BNC2: variants seen among roughly 807,000 people sequenced by gnomAD.
The protein encoded by BNC2 is zinc finger protein basonuclin-2.
BNC2 carries 20 observed loss-of-function variants against 76.3 expected under a neutral mutation model. The ratio of observed to expected loss-of-function variants is 0.26; its 90% CI spans 0.18 to 0.38. The LOEUF (loss-of-function observed/expected upper bound fraction) is 0.38, where lower values mean the gene tolerates loss of function less well. Among genes scored for constraint, BNC2 ranks in the 10% least tolerant of loss-of-function variants. The probability of loss-of-function intolerance (pLI) is 1.00; values close to 1 mark genes in which losing one functional copy is unlikely to be tolerated. For missense variants in BNC2, 1,382 were observed against 1,399.8 expected, an observed-to-expected ratio of 0.99 and a Z score of 0.20; for synonymous variants, 582 against 514.8, an observed-to-expected ratio of 1.13 and a Z score of -1.77.
chr9:16,580,956 A>T (rs1235927170), intron 4 of BNC2, among the ~76,000 whole-genome samples: 1 of 152,166 alleles, frequency 6.6e-6, no homozygotes, highest in Non-Finnish European at 1.5e-5. Context: ...CCAGGATTTG[A>T]CCTCAGAACA....
intron 1 of BNC2, among the ~76,000 whole-genome samples, chr9:16,854,631 G>T (rs1819208205): frequency 6.6e-6 from 1 of 151,844 alleles, no homozygotes. Context: ...GTAGCATGAG[G>T]TATCCCCCAA....
chr9:16,498,335 C>A (rs909603674), intron 5 of BNC2, among the ~76,000 whole-genome samples: 3 of 148,568 alleles, frequency 2.0e-5, no homozygotes, highest in East Asian at 3.9e-4. Context: ...ACTACGCAGC[C>A]ATAAAAAGGA....
intron 4 of BNC2, among the ~76,000 whole-genome samples, chr9:16,560,925 G>C (rs944320883): frequency 2.6e-5 from 4 of 152,188 alleles, no homozygotes; most frequent in African/African-American, 9.6e-5. Flanking sequence ...AAGTTCAGAA[G>C]TAAGAGGGTT....
At chr9:16,809,626 G>C (rs1436528448) in intron 1 of BNC2, among the ~76,000 whole-genome samples, 1 of 151,992 alleles carries the variant, frequency 6.6e-6, no homozygotes, top group African/African-American at 2.4e-5. Context: ...AATGTACTGA[G>C]TATTAGCTGG....
intron 4 of BNC2, among the ~76,000 whole-genome samples, chr9:16,559,996 A>G (rs529257883): frequency 1.3e-5 from 2 of 152,356 alleles, no homozygotes; most frequent in East Asian, 3.9e-4. Context: ...CTAACTCGGA[A>G]GTCAGCAGGC....
intron 1 of BNC2, among the ~76,000 whole-genome samples, chr9:16,768,267 G>C (rs10756811): frequency 0.5 from 76,059 of 151,852 alleles, 22,501 homozygotes; most frequent in Non-Finnish European, 0.69. Flanking sequence ...TGACAGGCCA[G>C]TGTATGCAAT....
chr9:16,571,151 T>A (rs1471177353), intron 4 of BNC2, among the ~76,000 whole-genome samples: 2 of 152,182 alleles, frequency 1.3e-5, no homozygotes, highest in Non-Finnish European at 2.9e-5. Flanking sequence ...GGCACACATA[T>A]GTGATCTCCT....
At chr9:16,469,306 C>CG (rs1418018664) in intron 5 of BNC2, among the ~76,000 whole-genome samples, 1 of 152,086 alleles carries the variant, frequency 6.6e-6, no homozygotes, top group Non-Finnish European at 1.5e-5. Context: ...AGGAAGGACC[C>CG]GGGGGAGGTA....
In BNC2 at chr9:16,414,434, AG is replaced by A. The variant is rs1353702163; in HGVS notation, c.*4554del. 1 of 152,198 alleles carries A rather than the reference AG, an allele frequency of 6.6e-6. No homozygotes were observed. Among genetic ancestry groups the A allele is most frequent in the African/African-American group, 2.4e-5 (1 of 41,444 alleles). The allele number at this position is 152,198 out of a possible 1,614,324, so 9.4% of individuals were successfully genotyped here. On this transcript the variant is annotated 3_prime_UTR_variant, in exon 7 of 7. Coordinates refer to ENST00000380672, the MANE Select transcript of BNC2 (RefSeq NM_017637.6). Reference sequence around the variant, plus strand: ...CCATCCCCAAAAAATAAACAATGAGAGGGAAAAGCAAAACCACCTAATTTAA... The same window carrying A: ...CCATCCCCAAAAAATAAACAATGAGAGGAAAAGCAAAACCACCTAATTTAA...
intron 4 of BNC2, among the ~76,000 whole-genome samples, chr9:16,563,663 C>A (rs1819080215): frequency 6.6e-6 from 1 of 152,146 alleles, no homozygotes; most frequent in Non-Finnish European, 1.5e-5. Flanking sequence ...TGGTAACAAA[C>A]CTCCTAGTCC....
rs144682127 is a variant in BNC2 at position 16,819,945 on chromosome 9, T to C, written c.3+50701A>G. ...TTCAAGTCCAGCCTGGCCAACATGG[T>C]GAAACCCCAGCTCTACTAAAAATAC... is the stretch of plus-strand genomic sequence containing the variant. On this transcript the variant is annotated intron_variant, in intron 1 of 6. Transcript: ENST00000380672. 3.8e-3 allele frequency among the ~76,000 whole-genome samples: 579 copies of C among 151,684 alleles called. 4 individuals are homozygous for C. The highest frequency in any genetic ancestry group is 0.013 in the African/African-American group (518 of 41,316).
intron 5 of BNC2, among the ~76,000 whole-genome samples, chr9:16,465,923 A>G (rs1821697672): frequency 6.7e-6 from 1 of 148,478 alleles, no homozygotes; most frequent in African/African-American, 2.5e-5. Flanking sequence ...CTGTTTATCT[A>G]GAAAACCCCA....
At chr9:16,820,390 C>A (rs1173457077) in intron 1 of BNC2, among the ~76,000 whole-genome samples, 1 of 151,846 alleles carries the variant, frequency 6.6e-6, no homozygotes, top group African/African-American at 2.4e-5. Flanking sequence ...CGCACCATTG[C>A]GCTCCAGCCT....
intron 5 of BNC2, among the ~76,000 whole-genome samples, chr9:16,516,805 T>G (rs936709634): frequency 1.3e-5 from 2 of 152,238 alleles, no homozygotes; most frequent in Non-Finnish European, 2.9e-5. Flanking sequence ...ATTTGTCGTA[T>G]TAAAAGCATC....
At chr9:16,763,960 G>A (rs1244751078) in intron 1 of BNC2, among the ~76,000 whole-genome samples, 1 of 152,108 alleles carries the variant, frequency 6.6e-6, no homozygotes, top group Non-Finnish European at 1.5e-5. Flanking sequence ...GCAAGTGGGG[G>A]GAAAACTAAT....
intron 3 of BNC2, among the ~76,000 whole-genome samples, chr9:16,655,184 G>C (rs2133986075): frequency 6.6e-6 from 1 of 151,700 alleles, no homozygotes; most frequent in Non-Finnish European, 1.5e-5. Context: ...AACTGGGGGA[G>C]GGAAAATCAT....
intron 5 of BNC2, among the ~76,000 whole-genome samples, chr9:16,454,285 T>C (rs1821401645): frequency 6.6e-6 from 1 of 152,098 alleles, no homozygotes; most frequent in African/African-American, 2.4e-5. Flanking sequence ...ACTAAAACCA[T>C]CACATTTATA....
chr9:16,810,884 T>C (rs1818030948), intron 1 of BNC2, among the ~76,000 whole-genome samples: 3 of 152,028 alleles, frequency 2.0e-5, no homozygotes, highest in Admixed American at 2.0e-4. Flanking sequence ...TCATATGAAA[T>C]CTCCCCAAAT....
chr9:16,828,356 C>T (rs1037931095), intron 1 of BNC2, among the ~76,000 whole-genome samples: 3 of 152,180 alleles, frequency 2.0e-5, no homozygotes, highest in African/African-American at 7.2e-5. Flanking sequence ...ATTCATAATA[C>T]TTACAAAACC....
Sources: allele counts gnomAD v4.1 joint callset (sites outside exome capture counted in the v4.1 genomes callset), GRCh38; gene constraint gnomAD v4.1.1; transcripts MANE v1.5; gene names NCBI Gene and HGNC (gene_info 2026-07-23, HGNC 2026-07-21).